The following SYCP2 variants were observed in gnomAD, a reference collection of about 807,000 sequenced individuals.
SYCP2 encodes synaptonemal complex lateral element protein.
Under a neutral mutation model 211.3 loss-of-function variants are expected in SYCP2, and 55 were observed. The ratio of observed to expected loss-of-function variants is 0.26; its 90% CI spans 0.21 to 0.33. SYCP2 has a LOEUF of 0.33. SYCP2 is among the 10% of genes least tolerant of loss of function. SYCP2 has a pLI of 1.00. For synonymous variants in SYCP2, 570 were observed against 555.2 expected (o/e 1.03, Z -0.37); for missense variants, 1,731 against 1,752.0 (o/e 0.99, Z 0.21).
intron 35 of SYCP2, among the ~76,000 whole-genome samples, chr20:59,873,412 T>C (rs2059491346): frequency 6.6e-6 from 1 of 152,184 alleles, no homozygotes; most frequent in South Asian, 2.1e-4. Context: ...TACAGCAGCA[T>C]GGATACTCTG....
intron 2 of SYCP2, among the ~76,000 whole-genome samples, chr20:59,924,946 TAAGA>T (rs1223926849): frequency 6.6e-6 from 1 of 151,868 alleles, no homozygotes; most frequent in Non-Finnish European, 1.5e-5. Flanking sequence ...TGGATGTTCA[TAAGA>T]AATATAACAA....
chr20:59,897,003 A>G (rs2060022441), intron 18 of SYCP2, among the ~76,000 whole-genome samples: 1 of 152,188 alleles, frequency 6.6e-6, no homozygotes, highest in Admixed American at 6.6e-5. Flanking sequence ...ACTGGAGTGA[A>G]GTAGCTGCAG....
At chr20:59,873,538 TTATTTAA>T (rs1427190452) in intron 35 of SYCP2, among the ~76,000 whole-genome samples, 1 of 152,178 alleles carries the variant, frequency 6.6e-6, no homozygotes, top group African/African-American at 2.4e-5. Flanking sequence ...CTGCAATTTC[TTATTTAA>T]TATTATCAGA....
chr20:59,920,238 T>A, intron 5 of SYCP2, 121 bp downstream of exon 5: 1 of 853,532 alleles, frequency 1.2e-6, no homozygotes, highest in Non-Finnish European at 1.8e-6. Context: ...AAATGTTTTA[T>A]TCCCAAAATT....
chr20:59,892,186 G>C lies in SYCP2; in HGVS notation c.2168C>G (p.Thr723Ser). The part of the protein sequence containing the change: ...QSDWPVESET[T>S]FKSVLLNKTI... ...CTTATTTAGGAGAACCGATTTAAAA[G>C]TAGTTTCAGATTCAACAGGCCAATC... Residue 723 changes from threonine (T) to serine (S), a missense_variant, in exon 24 of 45, where the codon ACT becomes AGT. By Grantham distance (58) the Thr-to-Ser change is moderately conservative. Coordinates refer to ENST00000357552, the MANE Select transcript of SYCP2 (RefSeq NM_014258.4). 1 of 1,612,588 alleles carries C rather than the reference G, an allele frequency of 6.2e-7. No homozygotes were observed. Among genetic ancestry groups the C allele is most frequent in the Non-Finnish European group, 8.5e-7 (1 of 1,179,190 alleles).
rs6027185 is a variant in SYCP2 at position 59,900,252 on chromosome 20, G to A, written c.1290C>T (p.Val430=). The A allele has an allele frequency of 0.017, 27,737 of 1,609,886 alleles. 2,284 individuals are homozygous for A. The African/African-American group carries it at 0.24, about 14-fold the overall frequency. Residue 430 remains valine (V), a synonymous_variant, in exon 18 of 45, where the codon GTC becomes GTT. Coordinates refer to ENST00000357552, the MANE Select transcript of SYCP2 (RefSeq NM_014258.4). ...ILVPESQISP[V]GEELVSLKEK... is the part of the protein sequence containing the mutation. ...CCTTTAAACTAACGAGCTCTTCTCC[G>A]ACTGGTGAGATTTGACTTTCTGGCA...
chr20:59,921,688 A>G (rs1487267409), intron 3 of SYCP2, among the ~76,000 whole-genome samples: 2 of 151,546 alleles, frequency 1.3e-5, no homozygotes, highest in Admixed American at 1.3e-4. Flanking sequence ...TTTCCAATTC[A>G]TATCTTTTAT....
intron 29 of SYCP2, 121 bp downstream of exon 29, chr20:59,881,316 G>C (rs2059675180): frequency 4.7e-6 from 3 of 632,930 alleles, no homozygotes; most frequent in Non-Finnish European, 8.2e-6. Flanking sequence ...ATCATAATGA[G>C]AGTAATAATG....
intron 24 of SYCP2, among the ~76,000 whole-genome samples, chr20:59,888,910 AGAT>A (rs763192483): frequency 9.2e-5 from 14 of 152,094 alleles, no homozygotes; most frequent in Non-Finnish European, 1.9e-4. Flanking sequence ...AGAAATACTT[AGAT>A]GTATATCTAA....
chr20:59,923,133 AAG>A (rs2060571937), intron 2 of SYCP2, among the ~76,000 whole-genome samples: 4 of 152,086 alleles, frequency 2.6e-5, no homozygotes, highest in African/African-American at 9.6e-5. Context: ...CCAGGTTCTA[AAG>A]AGAGATTCCA....
At chr20:59,872,256 C>G (rs2059466224) in intron 35 of SYCP2, among the ~76,000 whole-genome samples, 1 of 151,842 alleles carries the variant, frequency 6.6e-6, no homozygotes, top group African/African-American at 2.4e-5. Context: ...AAATTGTGCA[C>G]AATTCTGTGT....
At chr20:59,920,514 T>G in intron 4 of SYCP2, 27 bp from the exon 5 acceptor site, 1 of 1,532,570 alleles carries the variant, frequency 6.5e-7, no homozygotes. Flanking sequence ...ACATTAAAAT[T>G]TCTGTAAACA....
intron 2 of SYCP2, among the ~76,000 whole-genome samples, chr20:59,923,913 T>C (rs930648588): frequency 8.0e-5 from 12 of 150,776 alleles, no homozygotes; most frequent in Admixed American, 4.6e-4. Flanking sequence ...AAAAGTTACA[T>C]ATCAATAATT....
chr20:59,885,533 A>G (rs1018705205), intron 26 of SYCP2, among the ~76,000 whole-genome samples: 3 of 152,102 alleles, frequency 2.0e-5, no homozygotes, highest in Admixed American at 1.3e-4. Context: ...GAAAAAAGAT[A>G]ATTTATATTA....
At position 59,873,948 on chromosome 20, in the gene SYCP2, C is replaced by T. The variant is rs1248658120; in HGVS notation, c.3463G>A (p.Val1155Ile). 1 of 1,613,198 alleles carries T rather than the reference C, an allele frequency of 6.2e-7. No individual in the cohort carries two copies. The highest frequency in any genetic ancestry group is 8.5e-7 in the Non-Finnish European group (1 of 1,179,580). Residue 1155 changes from valine (V) to isoleucine (I), a missense_variant, in exon 35 of 45, where the codon GTT becomes ATT. By Grantham distance (29) the Val-to-Ile change is conservative. Transcript: ENST00000357552. Reference protein sequence around the residue: ...SLESLNSNSGVGGTIKSPKNN... With the variant: ...SLESLNSNSGIGGTIKSPKNN... ...TTGGGTGACTTTATTGTACCTCCAACTCCACTGTTACTATTTAAGGATTCA... is the reference window on the plus strand; with the variant it reads ...TTGGGTGACTTTATTGTACCTCCAATTCCACTGTTACTATTTAAGGATTCA...
chr20:59,899,925 G>A, intron 18 of SYCP2: 1 of 525,296 alleles, frequency 1.9e-6, no homozygotes. Context: ...CAACTGTAAA[G>A]TATGTCTTGT....
At chr20:59,882,295 A>G (rs1157984295) in intron 26 of SYCP2, 130 bp from the exon 27 acceptor site, 4 of 706,346 alleles carry the variant, frequency 5.7e-6, no homozygotes, top group Non-Finnish European at 9.7e-6. Flanking sequence ...GGCTTGTACC[A>G]AAAAGACAGG....
chr20:59,931,168 C>T (rs1169166174), intron 2 of SYCP2, among the ~76,000 whole-genome samples: 2 of 152,164 alleles, frequency 1.3e-5, no homozygotes, highest in East Asian at 1.9e-4. Flanking sequence ...ATGCTGGTGG[C>T]TAGCACTGTG....
At chr20:59,883,905 C>T (rs551724785) in intron 26 of SYCP2, among the ~76,000 whole-genome samples, 9 of 151,924 alleles carry the variant, frequency 5.9e-5, no homozygotes, top group East Asian at 1.9e-4. Flanking sequence ...AGATTTTATG[C>T]GTTCTTGCCA....
Sources: allele counts gnomAD v4.1 joint callset (sites outside exome capture counted in the v4.1 genomes callset), GRCh38; gene constraint gnomAD v4.1.1; transcripts MANE v1.5; gene names NCBI Gene and HGNC (gene_info 2026-07-23, HGNC 2026-07-21).